Variants in SASH1 observed in about 807,000 individuals in gnomAD.
The protein encoded by SASH1 is SAM and SH3 domain containing 1.
SASH1 carries 44 observed loss-of-function variants against 125.2 expected under a neutral mutation model. The ratio of observed to expected loss-of-function variants is 0.35; its 90% CI spans 0.28 to 0.45. The LOEUF is 0.45. Ranked by LOEUF, SASH1 falls within the 20% of genes least tolerant of loss-of-function variation. The pLI is 1.00. For missense variants in SASH1, 1,426 were observed against 1,614.5 expected (o/e 0.88, Z 2.00); for synonymous variants, 639 against 649.1 (o/e 0.98, Z 0.24).
At chr6:148,418,139 T>A (rs1784903138) in intron 2 of SASH1, among the ~76,000 whole-genome samples, 1 of 152,226 alleles carries the variant, frequency 6.6e-6, no homozygotes, top group Admixed American at 6.5e-5. Context: ...TTGACATTGT[T>A]CTTTCTATAG....
chr6:148,270,507 A>G (rs1779037869), upstream of SASH1, among the ~76,000 whole-genome samples: 2 of 152,176 alleles, frequency 1.3e-5, no homozygotes, highest in East Asian at 1.9e-4. Flanking sequence ...CAACCCCCCA[A>G]CCAAAAAAAG....
At chr6:148,318,754 C>A (rs1443539856) in intron 1 of SASH1, among the ~76,000 whole-genome samples, 1 of 151,806 alleles carries the variant, frequency 6.6e-6, no homozygotes, top group African/African-American at 2.4e-5. Context: ...GGTTTCACCA[C>A]GTTGACCAGG....
the SASH1 span, among the ~76,000 whole-genome samples, chr6:148,235,205 T>C: frequency 6.6e-6 from 1 of 152,068 alleles, no homozygotes; most frequent in South Asian, 2.1e-4. Flanking sequence ...AGACAATTGG[T>C]GTATGTGTAT....
chr6:148,450,973 C>A (rs1461676274), intron 4 of SASH1, among the ~76,000 whole-genome samples: 2 of 152,206 alleles, frequency 1.3e-5, no homozygotes, highest in Non-Finnish European at 2.9e-5. Flanking sequence ...CCTCACTTAG[C>A]CATCAAGAGC....
intron 1 of SASH1, among the ~76,000 whole-genome samples, chr6:148,364,149 AG>A (rs1422508945): frequency 6.6e-6 from 1 of 152,188 alleles, no homozygotes; most frequent in Non-Finnish European, 1.5e-5. Flanking sequence ...TACTTCCTCC[AG>A]CTCCACGTCA....
chr6:148,362,401 TTC>T (rs1782270598), intron 1 of SASH1, among the ~76,000 whole-genome samples: 2 of 152,034 alleles, frequency 1.3e-5, no homozygotes, highest in African/African-American at 4.8e-5. Context: ...TGTCCAGCAT[TTC>T]TTACTAGGTT....
intron 1 of SASH1, among the ~76,000 whole-genome samples, chr6:148,367,949 G>A (rs543612759): frequency 6.6e-6 from 1 of 152,228 alleles, no homozygotes; most frequent in East Asian, 1.9e-4. Flanking sequence ...GCCTCAGGAA[G>A]AAATAATGGA....
rs1779630080 is a variant in SASH1 at position 148,503,134 on chromosome 6, G to A, written c.730-11190G>A. ...ATTTCAATCAGGAAATATCTGTTTA[G>A]CACAAACATAGATATTTATTTATCT... On this transcript the variant is annotated intron_variant, in intron 8 of 19. Transcript: ENST00000367467. Among the ~76,000 whole-genome samples the A allele has an allele frequency of 2.0e-5, 3 of 152,056 alleles. No individual in the cohort carries two copies. The South Asian group carries it at 6.2e-4, about 32-fold the overall frequency.
intron 2 of SASH1, among the ~76,000 whole-genome samples, chr6:148,438,484 A>C (rs1442444856): frequency 6.6e-6 from 1 of 152,186 alleles, no homozygotes; most frequent in Non-Finnish European, 1.5e-5. Context: ...TGGTACAGAA[A>C]TATGTCTGTC....
chr6:148,226,168 A>AT, the SASH1 span, among the ~76,000 whole-genome samples: 12 of 152,134 alleles, frequency 7.9e-5, no homozygotes, highest in South Asian at 4.1e-4. Flanking sequence ...TCCACATCAG[A>AT]TTTTTTTTAT....
At chr6:148,427,589 G>A (rs1320732911) in intron 2 of SASH1, among the ~76,000 whole-genome samples, 2 of 152,114 alleles carry the variant, frequency 1.3e-5, no homozygotes, top group African/African-American at 2.4e-5. Context: ...TAGCTTAAAC[G>A]ATCTAGTACA....
chr6:148,343,027 C>G lies in SASH1; in HGVS notation c.-41C>G. The G allele has an allele frequency of 8.5e-7, 1 of 1,176,670 alleles. No individual in the cohort carries two copies. The allele number at this position is 1,176,670 out of a possible 1,614,324, so 72.9% of individuals were successfully genotyped here. ...GCGCGCGGGTGCGGGGCGAGGGCGCCGCGGGGACTGGGACGCACGGCCCGC... is the reference window on the plus strand; with the variant it reads ...GCGCGCGGGTGCGGGGCGAGGGCGCGGCGGGGACTGGGACGCACGGCCCGC... On this transcript the variant is annotated 5_prime_UTR_variant, in exon 1 of 20. Transcript: ENST00000367467.
intron 1 of SASH1, among the ~76,000 whole-genome samples, chr6:148,326,673 A>G (rs1474538322): frequency 6.6e-6 from 1 of 151,864 alleles, no homozygotes; most frequent in African/African-American, 2.4e-5. Context: ...AAGTGCTGGG[A>G]TTACAGGCAT....
the SASH1 span, among the ~76,000 whole-genome samples, chr6:148,204,025 C>T: frequency 0.022 from 3,285 of 152,198 alleles, 111 homozygotes; most frequent in African/African-American, 0.075. Context: ...GAAAAATTGC[C>T]GGGAATTTTT....
At chr6:148,339,972 G>A (rs370857225), upstream of SASH1, among the ~76,000 whole-genome samples, 4 of 152,276 alleles carry the variant, frequency 2.6e-5, no homozygotes, top group African/African-American at 9.6e-5. Flanking sequence ...ATCTTGGATG[G>A]GGAAACTAGC....
intron 1 of SASH1, among the ~76,000 whole-genome samples, chr6:148,322,555 C>A (rs890026932): frequency 6.6e-6 from 1 of 152,116 alleles, no homozygotes; most frequent in African/African-American, 2.4e-5. Context: ...CTTCCCCTGA[C>A]CCTGAAATTG....
chr6:148,210,711 C>G, the SASH1 span, among the ~76,000 whole-genome samples: 311 of 152,236 alleles, frequency 2.0e-3, 2 homozygotes, highest in African/African-American at 7.2e-3. Flanking sequence ...CTGGATGAAT[C>G]TTGAGGTCTA....
chr6:148,219,661 G>GC, the SASH1 span, among the ~76,000 whole-genome samples: 1 of 152,098 alleles, frequency 6.6e-6, no homozygotes, highest in African/African-American at 2.4e-5. Context: ...CAAAAAATTG[G>GC]CAGAGCTAAG....
intron 8 of SASH1, chr6:148,508,772 G>T (rs193204739): frequency 1.6e-6 from 2 of 1,254,316 alleles, no homozygotes; most frequent in Non-Finnish European, 2.1e-6. Context: ...TTGAGATTGC[G>T]GAGTTTGATG....
Sources: allele counts gnomAD v4.1 joint callset (sites outside exome capture counted in the v4.1 genomes callset), GRCh38; gene constraint gnomAD v4.1.1; transcripts MANE v1.5; gene names NCBI Gene and HGNC (gene_info 2026-07-23, HGNC 2026-07-21).